The following ABHD5 variants were observed in gnomAD, a reference collection of about 807,000 sequenced individuals.
The protein encoded by ABHD5 is abhydrolase domain containing 5, lysophosphatidic acid acyltransferase.
Under a neutral mutation model 44.9 loss-of-function variants are expected in ABHD5, and 30 were observed. The ratio of observed to expected loss-of-function variants is 0.67; its 90% CI spans 0.50 to 0.91. ABHD5 has a LOEUF of 0.91. Ranked by LOEUF, ABHD5 falls within the 40% of genes least tolerant of loss-of-function variation. The probability of loss-of-function intolerance (pLI) is 0.00; values close to 1 mark genes in which losing one functional copy is unlikely to be tolerated. For missense variants in ABHD5, 399 were observed against 423.4 expected (o/e 0.94, Z 0.50); for synonymous variants, 167 against 147.0 (o/e 1.14, Z -0.99).
exon 8 of ABHD5, chr3:43,733,921 G>T (rs1213807749): frequency 6.6e-6 from 1 of 152,194 alleles, no homozygotes; most frequent in East Asian, 1.9e-4. Flanking sequence ...AGGAAGTCTG[G>T]ATTCTTGTCC....
At chr3:43,698,697 C>G (rs1344312690) in intron 1 of ABHD5, among the ~76,000 whole-genome samples, 8 of 152,294 alleles carry the variant, frequency 5.3e-5, no homozygotes, top group African/African-American at 1.7e-4. Context: ...TTTTGTACTT[C>G]TATTAACAGT....
At position 43,718,757 on chromosome 3, in the gene ABHD5, T is replaced by C; in HGVS notation, c.*225T>C. 1 of 524,270 alleles carries C rather than the reference T, an allele frequency of 1.9e-6. No individual in the cohort carries two copies. The highest frequency in any genetic ancestry group is 2.4e-5 in the South Asian group (1 of 41,898). 32.5% of individuals were successfully genotyped at this position (524,270 alleles called of 1,614,324 possible). On this transcript the variant is annotated 3_prime_UTR_variant, in exon 7 of 7. Coordinates refer to ENST00000644371, the MANE Select transcript of ABHD5 (RefSeq NM_016006.6). ...TACACAAAATTGAAATATACAAGTCTCTAAATATAATACCTTTAAATAAAA... is the reference window on the plus strand; with the variant it reads ...TACACAAAATTGAAATATACAAGTCCCTAAATATAATACCTTTAAATAAAA...
chr3:43,717,691 A>G lies in ABHD5; in HGVS notation c.794A>G (p.Asn265Ser), dbSNP rs369544279. 2.5e-6 allele frequency: 4 copies of G among 1,614,128 alleles called. No individual in the cohort carries two copies. In the African/African-American group the frequency reaches 4.0e-5, roughly 16 times the overall value. The stretch of plus-strand genomic sequence containing the variant: ...TAAAGTGGTGAGACAGCTTTCAAGA[A>G]TATGACTATTCCTTATGGATGGGCA... Reference protein sequence around the residue: ...QTPSGETAFKNMTIPYGWAKR... With the variant: ...QTPSGETAFKSMTIPYGWAKR... Residue 265 changes from asparagine (N) to serine (S), a missense_variant, in exon 6 of 7, where the codon AAT becomes AGT. Transcript: ENST00000644371.
chr3:43,691,138 G>A (rs2084369431), intron 1 of ABHD5, 99 bp downstream of exon 1: 2 of 1,226,544 alleles, frequency 1.6e-6, no homozygotes, highest in Admixed American at 4.0e-5. Flanking sequence ...GTCGCCGCCC[G>A]CCTGGCGACG....
At chr3:43,708,729 A>G (rs1361910167) in intron 3 of ABHD5, among the ~76,000 whole-genome samples, 1 of 152,236 alleles carries the variant, frequency 6.6e-6, no homozygotes, top group East Asian at 1.9e-4. Context: ...GATGATATAT[A>G]ACTACAGTTA....
intron 3 of ABHD5, among the ~76,000 whole-genome samples, chr3:43,707,224 A>T (rs1425458625): frequency 6.6e-6 from 1 of 152,220 alleles, no homozygotes; most frequent in Non-Finnish European, 1.5e-5. Flanking sequence ...GATTATAGAA[A>T]CTTTAACTTA....
chr3:43,699,147 T>G, intron 1 of ABHD5, 129 bp from the exon 2 acceptor site: 1 of 789,940 alleles, frequency 1.3e-6, no homozygotes, highest in South Asian at 1.4e-5. Context: ...AGGTCACTTT[T>G]GTCACACATA....
At position 43,721,591 on chromosome 3, in the gene ABHD5, C is replaced by G. The variant is rs995440647; in HGVS notation, c.*3059C>G. 6.6e-6 allele frequency: 1 copy of G among 150,712 alleles called. No individual in the cohort carries two copies. Among genetic ancestry groups the G allele is most frequent in the African/African-American group, 2.4e-5 (1 of 41,044 alleles). The allele number at this position is 150,712 out of a possible 1,614,324, so 9.3% of individuals were successfully genotyped here. On this transcript the variant is annotated 3_prime_UTR_variant, in exon 7 of 7. Coordinates refer to ENST00000644371, the MANE Select transcript of ABHD5 (RefSeq NM_016006.6). ...AAAAAAAAAAAAAAAAAATTAAGTA[C>G]CTGGCCTGGGTTCCACCTACTTGGG...
At chr3:43,697,189 ATAG>A (rs1575599210) in intron 1 of ABHD5, among the ~76,000 whole-genome samples, 3 of 152,330 alleles carry the variant, frequency 2.0e-5, no homozygotes, top group Admixed American at 6.5e-5. Context: ...TGCTTTGTAC[ATAG>A]TAGGTATTCA....
intron 7 of ABHD5, among the ~76,000 whole-genome samples, chr3:43,731,499 C>A (rs1358991377): frequency 6.6e-6 from 1 of 152,054 alleles, no homozygotes; most frequent in Non-Finnish European, 1.5e-5. Context: ...TTTTGGGGGC[C>A]CAATGCATAA....
chr3:43,697,648 T>G (rs2084489873), intron 1 of ABHD5, among the ~76,000 whole-genome samples: 1 of 152,114 alleles, frequency 6.6e-6, no homozygotes. Context: ...AGACATGTAA[T>G]CATATGAAAT....
chr3:43,699,138 G>T, intron 1 of ABHD5, 138 bp from the exon 2 acceptor site: 1 of 747,582 alleles, frequency 1.3e-6, no homozygotes, highest in Non-Finnish European at 2.4e-6. Flanking sequence ...GTGCATGTTA[G>T]GTCACTTTTG....
chr3:43,702,630 C>T, intron 3 of ABHD5, 43 bp downstream of exon 3: 1 of 1,613,854 alleles, frequency 6.2e-7, no homozygotes, highest in East Asian at 2.2e-5. Context: ...ACTGTGCTTC[C>T]AAGTACCAGA....
rs1379197821 is a variant in ABHD5, at chr3:43,721,469, G to C, written c.*2937G>C. The stretch of plus-strand genomic sequence containing the variant: ...CAGCCAGATGGAATGGCTCATGGCT[G>C]TAATCCCAGCATTTTGGGAGGCTGA... On this transcript the variant is annotated 3_prime_UTR_variant, in exon 7 of 7. Transcript: ENST00000644371. 6.6e-6 allele frequency: 1 copy of C among 151,308 alleles called. No individual in the cohort carries two copies. Among genetic ancestry groups the C allele is most frequent in the African/African-American group, 2.4e-5 (1 of 41,156 alleles). The allele number at this position is 151,308 out of a possible 1,614,324, so 9.4% of individuals were successfully genotyped here.
Position 43,690,997 on chromosome 3 carries a change from C to T in ABHD5, c.5C>T (p.Ala2Val), listed in dbSNP as rs961047492. 1.3e-6 allele frequency: 2 copies of T among 1,572,108 alleles called. No homozygotes were observed. The highest frequency in any genetic ancestry group is 1.1e-5 in the South Asian group (1 of 87,106). M[A>V]AEEEEVDSAD... ...GGCGCTTGCGCGGCGGCGGCTATGG[C>T]GGCGGAGGAGGAGGAGGTGGACTCT... Residue 2 changes from alanine to valine, a missense_variant, in exon 1 of 7, where the codon GCG becomes GTG. Ala to Val is a moderately conservative substitution (Grantham distance 64). Transcript: ENST00000644371.
At chr3:43,715,151 A>T in intron 5 of ABHD5, 93 bp downstream of exon 5, 1 of 891,104 alleles carries the variant, frequency 1.1e-6, no homozygotes, top group Admixed American at 1.9e-5. Flanking sequence ...TTTTTTTAAA[A>T]CTATTTATTT....
rs68058215 is a variant in ABHD5 at position 43,730,499 on chromosome 3, C to CTT, written c.*30-3358_*30-3357dup. Among the ~76,000 whole-genome samples, 197 of 68,968 alleles carry CTT rather than the reference C, an allele frequency of 2.9e-3. 1 individual carries two copies. The highest frequency in any genetic ancestry group is 8.8e-3 in the Middle Eastern group (1 of 114). The allele number at this position is 68,968 out of a possible 152,430, so 45.2% of individuals were successfully genotyped here. On this transcript the variant is annotated intron_variant, in intron 7 of 7. Coordinates refer to the ABHD5 transcript ENST00000454293. ...TTTAATGGAGAATAGAAAATAATCCCTTTTTTTTTTTTTTTTTTTTTTTTG... is the reference window on the plus strand; with the variant it reads ...TTTAATGGAGAATAGAAAATAATCCCTTTTTTTTTTTTTTTTTTTTTTTTTTG...
intron 3 of ABHD5, among the ~76,000 whole-genome samples, chr3:43,710,002 C>T (rs1324609112): frequency 6.6e-6 from 1 of 152,170 alleles, no homozygotes; most frequent in Non-Finnish European, 1.5e-5. Context: ...GAGATTGTGT[C>T]ACTGCACTCC....
chr3:43,706,045 T>G (rs914030530), intron 3 of ABHD5, among the ~76,000 whole-genome samples: 8 of 152,124 alleles, frequency 5.3e-5, no homozygotes, highest in Admixed American at 1.3e-4. Context: ...AAACCTCATA[T>G]TAAGTTATGT....
Sources: allele counts gnomAD v4.1 joint callset (sites outside exome capture counted in the v4.1 genomes callset), GRCh38; gene constraint gnomAD v4.1.1; transcripts MANE v1.5; gene names NCBI Gene and HGNC (gene_info 2026-07-23, HGNC 2026-07-21).